Variants in PICALM observed in about 807,000 individuals in gnomAD.
PICALM encodes the protein phosphatidylinositol binding clathrin assembly protein, also known as phosphatidylinositol-binding clathrin assembly protein.
PICALM carries 40 observed loss-of-function variants against 80.5 expected under a neutral mutation model. The ratio of observed to expected loss-of-function variants is 0.50; its 90% confidence interval spans 0.39 to 0.65. PICALM has a LOEUF of 0.65. Ranked by LOEUF, PICALM falls within the 30% of genes least tolerant of loss-of-function variation. PICALM has a pLI of 0.00. For synonymous variants in PICALM, 288 were observed against 260.3 expected, an observed-to-expected ratio of 1.11 and a Z score of -1.02; for missense variants, 676 against 778.9, an observed-to-expected ratio of 0.87 and a Z score of 1.57.
chr11:86,031,776 ATC>A (rs1259126422), intron 1 of PICALM, among the ~76,000 whole-genome samples, 165 bp from the exon 2 acceptor site: 1 of 152,188 alleles, frequency 6.6e-6, no homozygotes, highest in Non-Finnish European at 1.5e-5. Context: ...GACTACCATA[ATC>A]TACCTAAGAA....
intron 1 of PICALM, among the ~76,000 whole-genome samples, chr11:86,045,842 T>A (rs2508692): frequency 0.44 from 66,296 of 151,936 alleles, 14,651 homozygotes; most frequent in East Asian, 0.6. Flanking sequence ...CTCCCATCAT[T>A]CTACAGTACC....
At chr11:86,021,249 G>A (rs2136482938) in intron 4 of PICALM, among the ~76,000 whole-genome samples, 1 of 152,210 alleles carries the variant, frequency 6.6e-6, no homozygotes, top group East Asian at 1.9e-4. Context: ...TACTCAGCAG[G>A]CTGAGGGGGA....
intron 12 of PICALM, among the ~76,000 whole-genome samples, chr11:85,992,928 C>A (rs1431639615): frequency 6.6e-6 from 1 of 152,118 alleles, no homozygotes; most frequent in Non-Finnish European, 1.5e-5. Flanking sequence ...AAACCAGTTC[C>A]TAATCTACTT....
At chr11:85,963,471 T>C (rs1013230778) in intron 19 of PICALM, among the ~76,000 whole-genome samples, 1 of 152,236 alleles carries the variant, frequency 6.6e-6, no homozygotes, top group Admixed American at 6.5e-5. Flanking sequence ...TATCAGTTCG[T>C]TCAAATCAAA....
At chr11:86,049,740 T>C (rs2096146667) in intron 1 of PICALM, among the ~76,000 whole-genome samples, 1 of 151,318 alleles carries the variant, frequency 6.6e-6, no homozygotes, top group Non-Finnish European at 1.5e-5. Flanking sequence ...GCCTCTTTTC[T>C]ATTCATCTAA....
Position 86,031,583 on chromosome 11 carries a change from A to G in PICALM, c.159T>C (p.Asn53=). The change falls in exon 2 of 20, where the codon AAT becomes AAC. Residue 53 remains asparagine, a synonymous_variant. Coordinates refer to ENST00000393346, the MANE Select transcript of PICALM (RefSeq NM_007166.4). ...TGTCTGCCAACTGTGGGATGTTCAC[A>G]TTCATCTCATTTGTGCACTGAATTA... ...DYLIQCTNEM[N]VNIPQLADSL... 6.4e-7 allele frequency: 1 copy of G among 1,574,096 alleles called. No individual in the cohort carries two copies. Among genetic ancestry groups the G allele is most frequent in the Non-Finnish European group, 8.7e-7 (1 of 1,145,238 alleles).
At chr11:85,984,634 T>C (rs573943267) in intron 13 of PICALM, among the ~76,000 whole-genome samples, 1 of 152,164 alleles carries the variant, frequency 6.6e-6, no homozygotes, top group African/African-American at 2.4e-5. Context: ...ACAGTGGGGA[T>C]GACAAGCACA....
intron 19 of PICALM, among the ~76,000 whole-genome samples, chr11:85,960,505 C>T (rs1448164789): frequency 6.6e-6 from 1 of 152,100 alleles, no homozygotes. Context: ...AGTTGTTTTT[C>T]CTTATGTCCT....
chr11:85,973,250 C>T (rs2094167185), intron 19 of PICALM, among the ~76,000 whole-genome samples: 1 of 152,138 alleles, frequency 6.6e-6, no homozygotes, highest in Non-Finnish European at 1.5e-5. Flanking sequence ...ACAGAGATAT[C>T]AATTTATTAA....
intron 1 of PICALM, among the ~76,000 whole-genome samples, chr11:86,056,134 TTAAAA>T (rs1296323860): frequency 1.3e-5 from 1 of 76,820 alleles, no homozygotes; most frequent in Non-Finnish European, 2.6e-5. Flanking sequence ...GACTCTGTCT[TTAAAA>T]AAAAAAAAAA....
chr11:86,060,032 A>G (rs1488485799), intron 1 of PICALM, among the ~76,000 whole-genome samples: 1 of 152,224 alleles, frequency 6.6e-6, no homozygotes, highest in Non-Finnish European at 1.5e-5. Context: ...ATTTATGGAC[A>G]TAAAGTGGAC....
intron 12 of PICALM, among the ~76,000 whole-genome samples, chr11:85,995,940 G>GT (rs551911571): frequency 6.0e-4 from 91 of 152,176 alleles, no homozygotes; most frequent in African/African-American, 2.1e-3. Flanking sequence ...AAGTCAATTA[G>GT]TTTTTTAAAT....
intron 1 of PICALM, among the ~76,000 whole-genome samples, chr11:86,040,362 A>T (rs2095939049): frequency 6.6e-6 from 1 of 152,122 alleles, no homozygotes; most frequent in South Asian, 2.1e-4. Context: ...ACTTTTTAAA[A>T]TTTTATTGAT....
intron 2 of PICALM, 84 bp from the exon 3 acceptor site, chr11:86,026,451 A>G (rs2095650814): frequency 1.3e-6 from 1 of 767,856 alleles, no homozygotes; most frequent in African/African-American, 1.7e-5. Flanking sequence ...GTTATGGTTA[A>G]CACATTCTAT....
intron 19 of PICALM, among the ~76,000 whole-genome samples, chr11:85,965,815 GTTTTTTT>G (rs914561533): frequency 9.2e-6 from 1 of 108,156 alleles, no homozygotes; most frequent in South Asian, 3.3e-4. Context: ...TTGTTTTTTT[GTTTTTTT>G]TTTTTTTTTT....
intron 8 of PICALM, 191 bp downstream of exon 8, chr11:86,007,351 T>A (rs182172760): frequency 2.0e-5 from 7 of 356,416 alleles, no homozygotes; most frequent in Non-Finnish European, 3.7e-5. Context: ...AGGCAACAAA[T>A]ATAAGTGGTA....
chr11:85,970,634 G>C (rs372549429), intron 19 of PICALM, among the ~76,000 whole-genome samples: 81 of 152,190 alleles, frequency 5.3e-4, no homozygotes, highest in African/African-American at 1.8e-3. Flanking sequence ...TGGCCAACAT[G>C]GTGAAACCCT....
chr11:86,055,524 T>A (rs1029120122), intron 1 of PICALM, among the ~76,000 whole-genome samples: 3 of 152,116 alleles, frequency 2.0e-5, no homozygotes, highest in African/African-American at 7.2e-5. Context: ...ATTCCAGTTA[T>A]CCATCACCAA....
rs2094947917 is a variant in PICALM, at chr11:85,996,020, C to T, written c.1258+806G>A. 3.3e-5 allele frequency among the ~76,000 whole-genome samples: 5 copies of T among 152,184 alleles called. No individual in the cohort carries two copies. The South Asian group carries it at 6.2e-4, about 19-fold the overall frequency. ...GTTTTACTATCTGCTCTGTGCCCCA[C>T]CTTATTCAACAAACATTTACAAACT... On this transcript the variant is annotated intron_variant, in intron 12 of 19. Transcript: ENST00000393346.
Sources: gnomAD v4.1 joint callset for allele counts (sites outside exome capture counted in the v4.1 genomes callset) on GRCh38, gnomAD v4.1.1 for gene constraint, MANE v1.5 for transcripts, NCBI Gene and HGNC (gene_info 2026-07-23, HGNC 2026-07-21) for gene names.